The following RIMS2 variants were observed in gnomAD, a reference collection of about 807,000 sequenced individuals.
RIMS2 encodes the protein regulating synaptic membrane exocytosis 2.
RIMS2 carries 59 observed loss-of-function variants against 174.4 expected under a neutral mutation model. The ratio of observed to expected loss-of-function variants is 0.34; its 90% confidence interval spans 0.27 to 0.42. RIMS2 has a LOEUF of 0.42. Among genes scored for constraint, RIMS2 ranks in the 10% least tolerant of loss-of-function variants. The pLI is 1.00. For missense variants in RIMS2, 1,620 were observed against 1,666.3 expected, an observed-to-expected ratio of 0.97 and a Z score of 0.48; for synonymous variants, 606 against 572.5, an observed-to-expected ratio of 1.06 and a Z score of -0.84.
intron 1 of RIMS2, among the ~76,000 whole-genome samples, chr8:103,635,951 C>T (rs1401258544): frequency 6.6e-6 from 1 of 152,060 alleles, no homozygotes; most frequent in Non-Finnish European, 1.5e-5. Flanking sequence ...AGGTCTTGCC[C>T]AGTGAGGAGA....
chr8:103,555,407 T>C (rs1849948982), intron 1 of RIMS2, among the ~76,000 whole-genome samples: 1 of 152,114 alleles, frequency 6.6e-6, no homozygotes, highest in Non-Finnish European at 1.5e-5. Flanking sequence ...CCCTTACACA[T>C]GGTTGGTAGG....
At chr8:103,965,289 T>C (rs2091507066) in intron 15 of RIMS2, among the ~76,000 whole-genome samples, 1 of 152,200 alleles carries the variant, frequency 6.6e-6, no homozygotes, top group Non-Finnish European at 1.5e-5. Context: ...TTATATGGAA[T>C]ATCTATTTAT....
At chr8:104,111,162 T>C (rs1024778706) in intron 19 of RIMS2, among the ~76,000 whole-genome samples, 9 of 152,054 alleles carry the variant, frequency 5.9e-5, no homozygotes. Flanking sequence ...ACAAATCCAG[T>C]AAAGAGGAAA....
chr8:103,590,466 C>G (rs990460952), intron 1 of RIMS2, among the ~76,000 whole-genome samples: 7 of 151,274 alleles, frequency 4.6e-5, no homozygotes, highest in Non-Finnish European at 8.9e-5. Context: ...CTGTGAAACT[C>G]TACTATTGCA....
chr8:103,923,328 G>A (rs1317055763), intron 10 of RIMS2, among the ~76,000 whole-genome samples: 2 of 151,634 alleles, frequency 1.3e-5, no homozygotes, highest in Non-Finnish European at 3.0e-5. Context: ...GCTTGAGTTG[G>A]TAAAGAAGGA....
chr8:103,919,394 G>A (rs932341555), intron 9 of RIMS2, among the ~76,000 whole-genome samples: 7 of 151,894 alleles, frequency 4.6e-5, no homozygotes, highest in Admixed American at 6.6e-5. Context: ...AGGAATAATG[G>A]GCAAATTGCA....
At chr8:103,504,526 G>A (rs1822308711) in intron 1 of RIMS2, among the ~76,000 whole-genome samples, 1 of 152,110 alleles carries the variant, frequency 6.6e-6, no homozygotes, top group Admixed American at 6.5e-5. Flanking sequence ...TAAATACTGA[G>A]TTTCTAATAT....
chr8:103,833,333 T>C (rs1467357440), intron 3 of RIMS2, among the ~76,000 whole-genome samples: 1 of 152,190 alleles, frequency 6.6e-6, no homozygotes, highest in African/African-American at 2.4e-5. Flanking sequence ...TATGTTATGC[T>C]TACATGTGTG....
At chr8:103,939,174 C>T (rs893965230) in intron 13 of RIMS2, among the ~76,000 whole-genome samples, 2 of 152,206 alleles carry the variant, frequency 1.3e-5, no homozygotes, top group Non-Finnish European at 2.9e-5. Context: ...TTCTGCACTG[C>T]CCTAGCAGAG....
intron 14 of RIMS2, among the ~76,000 whole-genome samples, chr8:103,951,287 G>T (rs954579134): frequency 2.6e-5 from 4 of 152,240 alleles, no homozygotes; most frequent in Non-Finnish European, 5.9e-5. Context: ...AAAGCTGGAA[G>T]CATTTCCCTT....
In RIMS2 at chr8:103,723,624, A is replaced by G. The variant is rs568748654; in HGVS notation, c.387+26328A>G. Among the ~76,000 whole-genome samples, 7 of 152,148 alleles carry G rather than the reference A, an allele frequency of 4.6e-5. No homozygotes were observed. In the East Asian group the frequency reaches 1.2e-3, roughly 25 times the overall value. ...GTACTGGGTGGATCTAGAGCCTGGG[A>G]CTGTGGGTGCTGGCATGGAGTCTGT... On this transcript the variant is annotated intron_variant, in intron 2 of 23. Transcript: ENST00000504942.
At chr8:104,250,979 G>A (rs1163224432) in intron 22 of RIMS2, 45 bp from the exon 29 acceptor site, 2 of 1,570,512 alleles carry the variant, frequency 1.3e-6, no homozygotes, top group Non-Finnish European at 1.7e-6. Context: ...GCCATTTCAT[G>A]TCCATAGTTT....
chr8:104,036,661 G>A (rs2096525066), intron 19 of RIMS2, among the ~76,000 whole-genome samples: 1 of 151,788 alleles, frequency 6.6e-6, no homozygotes, highest in South Asian at 2.1e-4. Flanking sequence ...GGCAGATCAT[G>A]AGGTCAGGAG....
intron 4 of RIMS2, among the ~76,000 whole-genome samples, chr8:103,889,396 G>T (rs893946435): frequency 5.9e-5 from 9 of 151,300 alleles, no homozygotes; most frequent in African/African-American, 2.2e-4. Context: ...TTACTTTTCT[G>T]TTTTTTTCAA....
chr8:104,176,722 A>G (rs935808462), intron 19 of RIMS2, among the ~76,000 whole-genome samples: 101 of 151,622 alleles, frequency 6.7e-4, no homozygotes, highest in African/African-American at 2.3e-3. Flanking sequence ...TTTTCATATC[A>G]TTATATATGA....
intron 19 of RIMS2, among the ~76,000 whole-genome samples, chr8:104,131,169 A>G (rs1297337379): frequency 6.6e-6 from 1 of 152,226 alleles, no homozygotes; most frequent in Non-Finnish European, 1.5e-5. Flanking sequence ...TGTGTAAGTT[A>G]AAGAGAAAAT....
At chr8:103,829,870 A>G (rs946648488) in intron 3 of RIMS2, among the ~76,000 whole-genome samples, 4 of 152,210 alleles carry the variant, frequency 2.6e-5, no homozygotes, top group Admixed American at 1.3e-4. Flanking sequence ...AAAGAGAAAG[A>G]TAATAACACT....
intron 1 of RIMS2, among the ~76,000 whole-genome samples, chr8:103,678,736 G>A (rs2096844237): frequency 6.6e-6 from 1 of 152,030 alleles, no homozygotes; most frequent in Non-Finnish European, 1.5e-5. Context: ...TTCTCAAAAT[G>A]TTTTTAAATG....
chr8:103,808,378 C>A (rs958427295), intron 3 of RIMS2, among the ~76,000 whole-genome samples: 4 of 152,018 alleles, frequency 2.6e-5, no homozygotes, highest in Admixed American at 2.0e-4. Context: ...TTGTCATAAA[C>A]CTCTTATTTG....
Sources: allele counts gnomAD v4.1 joint callset (sites outside exome capture counted in the v4.1 genomes callset), GRCh38; gene constraint gnomAD v4.1.1; transcripts MANE v1.5; gene names NCBI Gene and HGNC (gene_info 2026-07-23, HGNC 2026-07-21).